STK32B: variants seen among roughly 807,000 people sequenced by gnomAD.
STK32B encodes serine/threonine kinase 32B, also known as serine/threonine-protein kinase 32B.
STK32B carries 43 observed loss-of-function variants against 52.6 expected under a neutral mutation model. The ratio of observed to expected loss-of-function variants is 0.82; its 90% CI spans 0.64 to 1.05. STK32B has a LOEUF of 1.05. Ranked by LOEUF, STK32B falls within the 50% of genes least tolerant of loss-of-function variation. The pLI is 0.00. For synonymous variants in STK32B, 238 were observed against 204.3 expected, an observed-to-expected ratio of 1.17 and a Z score of -1.41; for missense variants, 621 against 534.6, an observed-to-expected ratio of 1.16 and a Z score of -1.59.
At chr4:5,080,317 C>T (rs565382927) in intron 1 of STK32B, among the ~76,000 whole-genome samples, 1 of 152,326 alleles carries the variant, frequency 6.6e-6, no homozygotes, top group East Asian at 1.9e-4. Context: ...GACCTTTGAT[C>T]TCATTGTCTG....
At chr4:5,497,095 A>C (rs1177832637) in intron 11 of STK32B, among the ~76,000 whole-genome samples, 1 of 152,280 alleles carries the variant, frequency 6.6e-6, no homozygotes, top group East Asian at 1.9e-4. Flanking sequence ...ATCATATCTT[A>C]TTTGAAATCC....
At chr4:5,201,471 T>C (rs1036469437) in intron 3 of STK32B, among the ~76,000 whole-genome samples, 3 of 152,110 alleles carry the variant, frequency 2.0e-5, no homozygotes, top group African/African-American at 7.2e-5. Flanking sequence ...AGATCAGTGA[T>C]TGAGGGATGA....
At chr4:5,227,559 C>G (rs1468496408) in intron 3 of STK32B, among the ~76,000 whole-genome samples, 1 of 152,114 alleles carries the variant, frequency 6.6e-6, no homozygotes, top group African/African-American at 2.4e-5. Context: ...TTATTGGCAA[C>G]AAATACATTC....
chr4:5,061,513 T>G (rs1430559730), intron 1 of STK32B, among the ~76,000 whole-genome samples: 4 of 152,234 alleles, frequency 2.6e-5, no homozygotes, highest in Non-Finnish European at 5.9e-5. Flanking sequence ...TAATTTGCCT[T>G]TTTGTAAAAA....
chr4:5,158,990 C>G (rs1350716174), intron 2 of STK32B, among the ~76,000 whole-genome samples: 1 of 152,212 alleles, frequency 6.6e-6, no homozygotes, highest in Non-Finnish European at 1.5e-5. Context: ...AGCCATCTGT[C>G]ACCTACCCCA....
intron 3 of STK32B, among the ~76,000 whole-genome samples, chr4:5,184,307 T>G (rs1036131555): frequency 1.3e-5 from 2 of 151,670 alleles, no homozygotes; most frequent in Admixed American, 6.6e-5. Flanking sequence ...GGGGAGGGAG[T>G]GAGGTAGGGG....
chr4:5,209,838 C>G (rs761001740), intron 3 of STK32B, among the ~76,000 whole-genome samples: 9 of 152,146 alleles, frequency 5.9e-5, no homozygotes, highest in Non-Finnish European at 1.0e-4. Flanking sequence ...TTGTCCAAAA[C>G]TGCAACATCG....
At position 5,318,673 on chromosome 4, in the gene STK32B, G is replaced by A. The variant is rs949871780; in HGVS notation, c.261-12547G>A. Among the ~76,000 whole-genome samples the A allele has an allele frequency of 5.3e-5, 8 of 152,238 alleles. No individual in the cohort carries two copies. The South Asian group carries it at 1.7e-3, about 32-fold the overall frequency. On this transcript the variant is annotated intron_variant, in intron 3 of 11. Transcript: ENST00000282908. ...GAACAGCATAAGAAAAGGTACACAGGTATGAGAGAGAAAGCACATTTGACT... is the reference window on the plus strand; with the variant it reads ...GAACAGCATAAGAAAAGGTACACAGATATGAGAGAGAAAGCACATTTGACT...
At chr4:5,190,749 C>A (rs1421315288) in intron 3 of STK32B, among the ~76,000 whole-genome samples, 2 of 152,098 alleles carry the variant, frequency 1.3e-5, no homozygotes, top group South Asian at 2.1e-4. Flanking sequence ...CCTTGCCATC[C>A]CTTGCAGACA....
At chr4:5,036,028 G>A in the STK32B span, among the ~76,000 whole-genome samples, 8 of 151,782 alleles carry the variant, frequency 5.3e-5, no homozygotes, top group Non-Finnish European at 1.2e-4. Context: ...GTGATCCACC[G>A]GCCTCGGCCT....
chr4:5,074,179 A>AAT (rs202089861), intron 1 of STK32B, among the ~76,000 whole-genome samples: 366 of 128,180 alleles, frequency 2.9e-3, no homozygotes, highest in African/African-American at 8.1e-3. Flanking sequence ...TTCATTTGTA[A>AAT]ATATATATAT....
At chr4:5,127,873 A>G (rs1715501753) in intron 1 of STK32B, among the ~76,000 whole-genome samples, 1 of 151,488 alleles carries the variant, frequency 6.6e-6, no homozygotes, top group South Asian at 2.1e-4. Context: ...TGTTCTCGTG[A>G]TAGTAAATAA....
intron 3 of STK32B, among the ~76,000 whole-genome samples, chr4:5,191,050 C>G (rs1721160168): frequency 1.3e-5 from 2 of 152,180 alleles, no homozygotes; most frequent in Non-Finnish European, 2.9e-5. Context: ...TGAGCCCAGC[C>G]AGTGGCATCT....
At chr4:5,035,330 G>C in the STK32B span, among the ~76,000 whole-genome samples, 2 of 152,178 alleles carry the variant, frequency 1.3e-5, no homozygotes, top group Admixed American at 1.3e-4. Flanking sequence ...TTTCTAGCTT[G>C]AGTAAATGAT....
intron 6 of STK32B, among the ~76,000 whole-genome samples, chr4:5,420,341 C>T (rs565742279): frequency 6.6e-6 from 1 of 152,240 alleles, no homozygotes; most frequent in South Asian, 2.1e-4. Context: ...GACGACCTTT[C>T]TGAGATCGCT....
chr4:5,480,576 C>G (rs1399968892), intron 11 of STK32B, among the ~76,000 whole-genome samples: 1 of 151,710 alleles, frequency 6.6e-6, no homozygotes, highest in Non-Finnish European at 1.5e-5. Context: ...TTGTGGAGAC[C>G]ACGTTTTTTT....
intron 1 of STK32B, among the ~76,000 whole-genome samples, chr4:5,109,082 A>T (rs1714256965): frequency 6.6e-6 from 1 of 152,172 alleles, no homozygotes; most frequent in African/African-American, 2.4e-5. Flanking sequence ...TGTCCAGTTA[A>T]TGCAGACTAA....
At chr4:5,341,858 A>T (rs868523093) in intron 4 of STK32B, among the ~76,000 whole-genome samples, 8 of 152,006 alleles carry the variant, frequency 5.3e-5, no homozygotes, top group Non-Finnish European at 8.8e-5. Context: ...ACTTTTTTTT[A>T]AAAATACTTT....
chr4:5,020,038 C>CGT, the STK32B span, among the ~76,000 whole-genome samples: 1 of 152,132 alleles, frequency 6.6e-6, no homozygotes, highest in Non-Finnish European at 1.5e-5. Context: ...TCTCAGAAGC[C>CGT]GTGTGTGTCT....
Sources: gnomAD v4.1 joint callset for allele counts (sites outside exome capture counted in the v4.1 genomes callset) on GRCh38, gnomAD v4.1.1 for gene constraint, MANE v1.5 for transcripts, NCBI Gene and HGNC (gene_info 2026-07-23, HGNC 2026-07-21) for gene names.